EPSTI1: variants seen among roughly 807,000 people sequenced by gnomAD.
EPSTI1 encodes epithelial stromal interaction 1.
A neutral mutation model predicts 49.9 loss-of-function variants in EPSTI1; 66 were observed. The ratio of observed to expected loss-of-function variants is 1.32; its 90% CI spans 1.08 to 1.62. The LOEUF is 1.62. EPSTI1 is among the 40% of genes most tolerant of loss of function. The pLI is 0.00. For missense variants in EPSTI1, 394 were observed against 365.5 expected (o/e 1.08, Z -0.64); for synonymous variants, 137 against 130.7 (o/e 1.05, Z -0.33).
intron 8 of EPSTI1, among the ~76,000 whole-genome samples, chr13:42,910,044 A>G (rs2037619751): frequency 6.6e-6 from 1 of 152,202 alleles, no homozygotes; most frequent in South Asian, 2.1e-4. Flanking sequence ...TCAAAATATC[A>G]TATTGAACAT....
chr13:42,988,725 T>C (rs1179016903), intron 1 of EPSTI1, among the ~76,000 whole-genome samples: 1 of 134,356 alleles, frequency 7.4e-6, no homozygotes, highest in East Asian at 2.5e-4. Context: ...AGCGAGACTC[T>C]GTCTCAAAAA....
chr13:42,908,685 AG>A (rs1299814991), intron 8 of EPSTI1, among the ~76,000 whole-genome samples: 1 of 152,106 alleles, frequency 6.6e-6, no homozygotes, highest in Non-Finnish European at 1.5e-5. Flanking sequence ...ACAGAATGGG[AG>A]AAAATATCTG....
At chr13:42,975,472 A>G (rs1300395136) in intron 1 of EPSTI1, among the ~76,000 whole-genome samples, 1 of 152,218 alleles carries the variant, frequency 6.6e-6, no homozygotes, top group Non-Finnish European at 1.5e-5. Context: ...CCTCTGTTAG[A>G]CGGCTGAATA....
At chr13:42,974,831 C>A (rs1293221768) in intron 1 of EPSTI1, among the ~76,000 whole-genome samples, 3 of 152,050 alleles carry the variant, frequency 2.0e-5, no homozygotes, top group Non-Finnish European at 2.9e-5. Flanking sequence ...ATAACAATAT[C>A]CCCTGGTGTG....
At chr13:42,980,739 G>A (rs1053044362) in intron 1 of EPSTI1, among the ~76,000 whole-genome samples, 5 of 151,912 alleles carry the variant, frequency 3.3e-5, no homozygotes, top group African/African-American at 1.2e-4. Flanking sequence ...GTCAAAGAGT[G>A]CAATCTGTAC....
intron 8 of EPSTI1, among the ~76,000 whole-genome samples, chr13:42,907,804 T>G (rs1266798102): frequency 6.6e-6 from 1 of 152,258 alleles, no homozygotes; most frequent in East Asian, 1.9e-4. Context: ...CTATAGTTAC[T>G]GAAATATTGA....
chr13:42,948,296 G>C (rs1221143385), intron 6 of EPSTI1, among the ~76,000 whole-genome samples: 1 of 152,208 alleles, frequency 6.6e-6, no homozygotes, highest in Non-Finnish European at 1.5e-5. Flanking sequence ...CCATGGCAAG[G>C]GCTCCAGGTG....
chr13:42,921,306 G>GAATACT (rs1481264019), intron 7 of EPSTI1, among the ~76,000 whole-genome samples: 10 of 152,272 alleles, frequency 6.6e-5, no homozygotes, highest in Admixed American at 6.5e-4. Context: ...GATTTCTCAG[G>GAATACT]AACCAGTATT....
intron 6 of EPSTI1, among the ~76,000 whole-genome samples, chr13:42,926,756 T>C (rs1270278776): frequency 6.6e-6 from 1 of 152,186 alleles, no homozygotes; most frequent in Non-Finnish European, 1.5e-5. Flanking sequence ...CCTAATTTCC[T>C]ATCTGAACAT....
chr13:42,932,547 T>C (rs1430495662), intron 6 of EPSTI1, among the ~76,000 whole-genome samples: 1 of 151,722 alleles, frequency 6.6e-6, no homozygotes, highest in Non-Finnish European at 1.5e-5. Flanking sequence ...ATCCAAGAGT[T>C]AACAACTCAG....
chr13:42,890,578 G>T (rs1340918329), intron 10 of EPSTI1, among the ~76,000 whole-genome samples: 5 of 152,090 alleles, frequency 3.3e-5, no homozygotes, highest in Non-Finnish European at 1.5e-5. Context: ...GATTACAGGC[G>T]TGAGCTACCG....
chr13:42,910,864 G>C (rs1299566651), intron 8 of EPSTI1, among the ~76,000 whole-genome samples: 2 of 152,108 alleles, frequency 1.3e-5, no homozygotes, highest in African/African-American at 4.8e-5. Context: ...TCCTTATGTT[G>C]TTCATAGTTT....
At chr13:42,928,154 C>T (rs980331930) in intron 6 of EPSTI1, among the ~76,000 whole-genome samples, 2 of 152,134 alleles carry the variant, frequency 1.3e-5, no homozygotes, top group Non-Finnish European at 2.9e-5. Flanking sequence ...CACAGGACTG[C>T]CAGAGGAATA....
intron 8 of EPSTI1, among the ~76,000 whole-genome samples, chr13:42,911,262 T>TGC (rs1391252157): frequency 3.5e-4 from 41 of 116,310 alleles, no homozygotes; most frequent in East Asian, 1.8e-3. Context: ...TGTGTGTGTG[T>TGC]GTGCGCGCGC....
chr13:42,888,802 C>T (rs1238285352), intron 10 of EPSTI1, among the ~76,000 whole-genome samples: 2 of 152,130 alleles, frequency 1.3e-5, no homozygotes, highest in Non-Finnish European at 2.9e-5. Flanking sequence ...TGTTGTCACC[C>T]ACCTACACAG....
chr13:42,940,090 A>G (rs2038702779), intron 6 of EPSTI1, among the ~76,000 whole-genome samples: 1 of 152,258 alleles, frequency 6.6e-6, no homozygotes, highest in Non-Finnish European at 1.5e-5. Context: ...AAAAACATGC[A>G]GACTCTGTGC....
intron 8 of EPSTI1, among the ~76,000 whole-genome samples, chr13:42,910,155 T>C (rs1459275083): frequency 6.6e-6 from 1 of 152,122 alleles, no homozygotes; most frequent in African/African-American, 2.4e-5. Flanking sequence ...TTTATATAGC[T>C]GCTTTTTGAT....
chr13:42,935,891 C>T (rs180782594), intron 6 of EPSTI1, among the ~76,000 whole-genome samples: 26 of 152,218 alleles, frequency 1.7e-4, no homozygotes, highest in African/African-American at 4.3e-4. Flanking sequence ...CATGCCCGGC[C>T]CACTCATGAA....
At chr13:42,968,626 T>C (rs1476498731) in intron 3 of EPSTI1, among the ~76,000 whole-genome samples, 1 of 152,012 alleles carries the variant, frequency 6.6e-6, no homozygotes, top group Non-Finnish European at 1.5e-5. Context: ...AGGTGATGTT[T>C]CTCTTATACC....
Sources: gnomAD v4.1 joint callset for allele counts (sites outside exome capture counted in the v4.1 genomes callset) on GRCh38, gnomAD v4.1.1 for gene constraint, MANE v1.5 for transcripts, NCBI Gene and HGNC (gene_info 2026-07-23, HGNC 2026-07-21) for gene names.